The following MIPEP variants were observed in gnomAD, a reference collection of about 807,000 sequenced individuals.
The protein encoded by MIPEP is mitochondrial intermediate peptidase.
Under a neutral mutation model 90.3 loss-of-function variants are expected in MIPEP, and 79 were observed. That is an observed-to-expected ratio of 0.87 (90% CI 0.73 to 1.05). MIPEP has a LOEUF of 1.05. MIPEP is among the 50% of genes least tolerant of loss of function. The pLI, the probability that MIPEP is intolerant of heterozygous loss-of-function variation, is 0.00. For synonymous variants in MIPEP, 334 were observed against 315.8 expected (o/e 1.06, Z -0.61); for missense variants, 940 against 905.6 (o/e 1.04, Z -0.49).
At chr13:23,821,324 G>T (rs1363442473) in intron 14 of MIPEP, among the ~76,000 whole-genome samples, 2 of 152,144 alleles carry the variant, frequency 1.3e-5, no homozygotes, top group Non-Finnish European at 2.9e-5. Flanking sequence ...AATTTTTACT[G>T]AGTGAACTTT....
At chr13:23,754,730 G>T (rs1266555021) in intron 18 of MIPEP, among the ~76,000 whole-genome samples, 1 of 152,172 alleles carries the variant, frequency 6.6e-6, no homozygotes, top group Non-Finnish European at 1.5e-5. Context: ...AGCCAAGCAC[G>T]GCTGCCAGGA....
chr13:23,757,376 T>C (rs1157886214), intron 17 of MIPEP, among the ~76,000 whole-genome samples: 1 of 152,174 alleles, frequency 6.6e-6, no homozygotes, highest in Non-Finnish European at 1.5e-5. Context: ...CACCTCCTGC[T>C]GTGTGGCCCA....
intron 10 of MIPEP, among the ~76,000 whole-genome samples, chr13:23,844,389 G>A (rs994743420): frequency 1.3e-5 from 2 of 152,160 alleles, no homozygotes; most frequent in African/African-American, 4.8e-5. Flanking sequence ...CAAGCAGGAA[G>A]CTGAACAAGC....
intron 16 of MIPEP, among the ~76,000 whole-genome samples, chr13:23,774,021 G>A (rs758854873): frequency 1.3e-5 from 2 of 152,126 alleles, no homozygotes; most frequent in African/African-American, 4.8e-5. Flanking sequence ...AAATGTGTAT[G>A]TAATCCTATG....
intron 14 of MIPEP, among the ~76,000 whole-genome samples, chr13:23,814,280 G>A (rs1294365212): frequency 1.3e-5 from 2 of 151,370 alleles, no homozygotes; most frequent in East Asian, 1.9e-4. Context: ...TTTTTGAGAC[G>A]GAGTCTCGCT....
intron 14 of MIPEP, among the ~76,000 whole-genome samples, chr13:23,818,756 T>G (rs1953272342): frequency 6.6e-6 from 1 of 152,182 alleles, no homozygotes; most frequent in Non-Finnish European, 1.5e-5. Flanking sequence ...AAGGTTAGAG[T>G]TCATTATGTA....
intron 18 of MIPEP, among the ~76,000 whole-genome samples, chr13:23,743,518 T>C (rs1378397117): frequency 6.6e-6 from 1 of 152,256 alleles, no homozygotes; most frequent in Non-Finnish European, 1.5e-5. Context: ...AAGACTCTGC[T>C]GCTCCCTGTG....
chr13:23,761,381 C>T (rs1204957275), intron 16 of MIPEP, among the ~76,000 whole-genome samples: 1 of 152,036 alleles, frequency 6.6e-6, no homozygotes, highest in Non-Finnish European at 1.5e-5. Flanking sequence ...ATGGTGGAGC[C>T]GGGTGGAGGT....
chr13:23,854,144 T>G (rs963945249), intron 10 of MIPEP, among the ~76,000 whole-genome samples: 3 of 149,406 alleles, frequency 2.0e-5, no homozygotes, highest in East Asian at 4.0e-4. Flanking sequence ...GCTAACACGG[T>G]GAAACCTCGT....
At chr13:23,760,285 G>A in intron 16 of MIPEP, 68 bp from the exon 17 acceptor site, 1 of 1,600,820 alleles carries the variant, frequency 6.2e-7, no homozygotes, top group Non-Finnish European at 8.6e-7. Flanking sequence ...TCACATGTGA[G>A]AACACAGTGG....
chr13:23,799,441 C>T (rs913388309), intron 16 of MIPEP, among the ~76,000 whole-genome samples: 5 of 152,180 alleles, frequency 3.3e-5, no homozygotes, highest in African/African-American at 1.2e-4. Context: ...ATTCTTCTGC[C>T]TCAGCCTCCC....
chr13:23,799,707 C>T (rs929773402), intron 16 of MIPEP, among the ~76,000 whole-genome samples: 1 of 152,192 alleles, frequency 6.6e-6, no homozygotes, highest in African/African-American at 2.4e-5. Context: ...AAACCCTAAA[C>T]GTGGAGTGAA....
intron 16 of MIPEP, among the ~76,000 whole-genome samples, chr13:23,785,135 C>G (rs1384910451): frequency 1.3e-5 from 2 of 152,212 alleles, no homozygotes; most frequent in Non-Finnish European, 2.9e-5. Context: ...CATCCCATTA[C>G]TGGGTATATA....
At chr13:23,845,237 C>T (rs1311637698) in intron 10 of MIPEP, among the ~76,000 whole-genome samples, 1 of 152,054 alleles carries the variant, frequency 6.6e-6, no homozygotes, top group Non-Finnish European at 1.5e-5. Context: ...AAAGCTCTAG[C>T]CTGTTTTCTT....
intron 16 of MIPEP, among the ~76,000 whole-genome samples, chr13:23,789,145 ATTGTT>A (rs1268150055): frequency 6.6e-6 from 1 of 151,946 alleles, no homozygotes; most frequent in African/African-American, 2.4e-5. Context: ...TTCTGTTGTC[ATTGTT>A]TTATTTGTAT....
At chr13:23,787,277 G>C (rs1347109550) in intron 16 of MIPEP, among the ~76,000 whole-genome samples, 1 of 152,220 alleles carries the variant, frequency 6.6e-6, no homozygotes, top group Non-Finnish European at 1.5e-5. Context: ...GGAAGTGCAA[G>C]AATCCAGGCA....
intron 3 of MIPEP, among the ~76,000 whole-genome samples, chr13:23,881,116 C>A (rs924444219): frequency 1.3e-5 from 2 of 152,220 alleles, no homozygotes; most frequent in Admixed American, 1.3e-4. Flanking sequence ...TTCACTCTAT[C>A]ACAGCCTCAG....
intron 14 of MIPEP, among the ~76,000 whole-genome samples, chr13:23,825,900 C>T (rs1467544930): frequency 6.6e-6 from 1 of 152,112 alleles, no homozygotes; most frequent in Non-Finnish European, 1.5e-5. Context: ...ATTAACTTCT[C>T]TTAACATCGC....
intron 2 of MIPEP, 35 bp from the exon 3 acceptor site, chr13:23,881,822 T>G: frequency 2.0e-6 from 3 of 1,516,302 alleles, no homozygotes; most frequent in Non-Finnish European, 1.8e-6. Context: ...AAAAGGGAAT[T>G]TGATGAGAAG....
Sources: gnomAD v4.1 joint callset for allele counts (sites outside exome capture counted in the v4.1 genomes callset) on GRCh38, gnomAD v4.1.1 for gene constraint, MANE v1.5 for transcripts, NCBI Gene and HGNC (gene_info 2026-07-23, HGNC 2026-07-21) for gene names.